MYO5B: variants seen among roughly 807,000 people sequenced by gnomAD.
MYO5B encodes the protein unconventional myosin-Vb.
Under a neutral mutation model 229.3 loss-of-function variants are expected in MYO5B, and 143 were observed. That is an observed-to-expected ratio of 0.62 (90% confidence interval 0.54 to 0.72). The LOEUF (loss-of-function observed/expected upper bound fraction) is 0.72, where lower values mean the gene tolerates loss of function less well. Among genes scored for constraint, MYO5B ranks in the 30% least tolerant of loss-of-function variants. MYO5B has a pLI of 0.00. For missense variants in MYO5B, 2,321 were observed against 2,331.0 expected (o/e 1.00, Z 0.09); for synonymous variants, 918 against 885.2 (o/e 1.04, Z -0.66).
rs1470748410 is a variant in MYO5B, at chr18:50,185,286, A to AC, written c.27+9480_27+9481insG. On this transcript the variant is annotated intron_variant, in intron 1 of 39. Coordinates refer to ENST00000285039, the MANE Select transcript of MYO5B (RefSeq NM_001080467.3). ...TGTAAAACATTTAGTATGAATAAGA[A>AC]TTTAAAAAAAAAAAAAGAGAGAGAG... Among the ~76,000 whole-genome samples, 232 of 150,568 alleles carry AC rather than the reference A, an allele frequency of 1.5e-3. 2 individuals are homozygous for AC. In the East Asian group the frequency reaches 0.025, roughly 16 times the overall value.
At position 50,039,157 on chromosome 18, in the gene MYO5B, G is replaced by A. The variant is rs188758507; in HGVS notation, c.310+986C>T. Among the ~76,000 whole-genome samples, 40 of 152,234 alleles carry A rather than the reference G, an allele frequency of 2.6e-4. 1 individual carries two copies. In the East Asian group the frequency reaches 4.2e-3, roughly 16 times the overall value. On this transcript the variant is annotated intron_variant, in intron 3 of 39. Transcript: ENST00000285039. ...TCCCGGGACAAGACCACAAAGGAGC[G>A]ACTCCCACAAAGGAGCCCAGCAGCC...
In MYO5B at chr18:49,990,369, G is replaced by A. The variant is rs551234037; in HGVS notation, c.838+70C>T. 247 of 1,317,710 alleles carry A rather than the reference G, an allele frequency of 1.9e-4. 1 individual carries two copies. The highest frequency in any genetic ancestry group is 1.8e-3 in the South Asian group (155 of 84,704). 81.6% of individuals were successfully genotyped at this position (1,317,710 alleles called of 1,614,324 possible). A position where few individuals can be genotyped will look rare whatever the true frequency, so the allele number is the denominator to read the frequency against. The stretch of plus-strand genomic sequence containing the variant: ...AACCCATGACGGAGGGCTTTGAGCA[G>A]AGCCCCCAGCTGTGCACCCGCTGGA... On this transcript the variant is annotated intron_variant, in intron 7 of 39. Transcript: ENST00000285039.
chr18:49,885,439 A>G (rs935458049), intron 22 of MYO5B, among the ~76,000 whole-genome samples: 1 of 152,098 alleles, frequency 6.6e-6, no homozygotes, highest in Non-Finnish European at 1.5e-5. Flanking sequence ...CTGCACCCCC[A>G]TCAGACAGGC....
intron 4 of MYO5B, among the ~76,000 whole-genome samples, chr18:50,026,996 C>T (rs968966503): frequency 6.6e-6 from 1 of 152,156 alleles, no homozygotes; most frequent in Non-Finnish European, 1.5e-5. Flanking sequence ...CAGCATGTTC[C>T]TTTGCTGCAA....
chr18:50,099,563 G>A (rs1291560265), intron 1 of MYO5B, among the ~76,000 whole-genome samples: 1 of 152,100 alleles, frequency 6.6e-6, no homozygotes, highest in Non-Finnish European at 1.5e-5. Flanking sequence ...TGATTCTTGG[G>A]GTTCTACTAC....
chr18:50,149,360 A>G (rs2032557273), intron 1 of MYO5B, among the ~76,000 whole-genome samples: 3 of 151,842 alleles, frequency 2.0e-5, no homozygotes, highest in Middle Eastern at 3.4e-3. Context: ...GAACCAAAAA[A>G]GAGCCCACAT....
intron 1 of MYO5B, among the ~76,000 whole-genome samples, chr18:50,152,582 C>T (rs145717550): frequency 2.0e-5 from 3 of 152,310 alleles, no homozygotes; most frequent in Non-Finnish European, 2.9e-5. Flanking sequence ...AGACAACCCA[C>T]AGGTCTTGAC....
chr18:50,039,669 G>A (rs11082800), intron 3 of MYO5B, among the ~76,000 whole-genome samples: 23,766 of 152,176 alleles, frequency 0.16, 1,932 homozygotes, highest in East Asian at 0.22. Context: ...ATAATTTCAT[G>A]ACTTTTAAAA....
At chr18:49,875,283 C>A (rs986318034) in intron 26 of MYO5B, among the ~76,000 whole-genome samples, 18 of 152,174 alleles carry the variant, frequency 1.2e-4, no homozygotes, top group Admixed American at 9.2e-4. Flanking sequence ...CTGCCTCTGA[C>A]CCAAAAAGGC....
chr18:49,852,281 T>C (rs562780332), intron 31 of MYO5B, among the ~76,000 whole-genome samples: 13 of 152,336 alleles, frequency 8.5e-5, no homozygotes, highest in African/African-American at 1.4e-4. Context: ...CCAGGGAACA[T>C]AGGCCACCAA....
intron 17 of MYO5B, among the ~76,000 whole-genome samples, chr18:49,925,630 G>T (rs183027563): frequency 3.9e-5 from 6 of 152,330 alleles, no homozygotes; most frequent in Non-Finnish European, 8.8e-5. Flanking sequence ...AATGTTTTCT[G>T]TAGGTATGTC....
intron 27 of MYO5B, among the ~76,000 whole-genome samples, chr18:49,866,962 C>T (rs1428133727): frequency 6.6e-6 from 1 of 152,118 alleles, no homozygotes; most frequent in East Asian, 1.9e-4. Flanking sequence ...GACAAGAGGC[C>T]TCCAGGTACA....
At chr18:49,832,875 G>T (rs1470771675) in intron 39 of MYO5B, among the ~76,000 whole-genome samples, 2 of 152,182 alleles carry the variant, frequency 1.3e-5, no homozygotes, top group Non-Finnish European at 2.9e-5. Flanking sequence ...CTCTGGTGTG[G>T]CCTGGCAGAA....
At chr18:50,024,956 G>A (rs1002400825) in intron 4 of MYO5B, among the ~76,000 whole-genome samples, 2 of 152,110 alleles carry the variant, frequency 1.3e-5, no homozygotes, top group Non-Finnish European at 2.9e-5. Context: ...AAATTAATCA[G>A]GGAAGAAGGG....
intron 39 of MYO5B, among the ~76,000 whole-genome samples, chr18:49,834,792 C>T (rs1275925444): frequency 6.6e-6 from 1 of 152,102 alleles, no homozygotes; most frequent in Non-Finnish European, 1.5e-5. Flanking sequence ...GCGCCCACCA[C>T]CACGCCCGGC....
intron 14 of MYO5B, among the ~76,000 whole-genome samples, chr18:49,945,804 C>G (rs559938434): frequency 1.7e-4 from 26 of 151,996 alleles, no homozygotes; most frequent in African/African-American, 6.3e-4. Context: ...CTCCATGGAC[C>G]AGGGCCAGAG....
chr18:49,882,169 C>G (rs1314920258), intron 22 of MYO5B, among the ~76,000 whole-genome samples: 1 of 152,108 alleles, frequency 6.6e-6, no homozygotes, highest in East Asian at 1.9e-4. Flanking sequence ...AAAATTCAGG[C>G]TTCCAGACCT....
At chr18:50,115,545 G>GACACAC (rs1285841007) in intron 1 of MYO5B, among the ~76,000 whole-genome samples, 124 of 106,224 alleles carry the variant, frequency 1.2e-3, no homozygotes, top group East Asian at 5.0e-3. Context: ...CACACACAGA[G>GACACAC]AGACACACAC....
chr18:49,824,550 C>CA lies in MYO5B; in HGVS notation c.*1920dup, dbSNP rs2023818502. The CA allele has an allele frequency of 6.6e-6, 1 of 151,724 alleles. No homozygotes were observed. Among genetic ancestry groups the CA allele is most frequent in the Non-Finnish European group, 1.5e-5 (1 of 67,768 alleles). The allele number at this position is 151,724 out of a possible 1,614,324, so 9.4% of individuals were successfully genotyped here. A position where few individuals can be genotyped will look rare whatever the true frequency, so the allele number is the denominator to read the frequency against. ...CTGTGTTTGTGGAACCACTGCATGT[C>CA]AAAACTCCTTAACACTCTAACAAGG... On this transcript the variant is annotated 3_prime_UTR_variant, in exon 40 of 40. Transcript: ENST00000285039.
Sources: gnomAD v4.1 joint callset for allele counts (sites outside exome capture counted in the v4.1 genomes callset) on GRCh38, gnomAD v4.1.1 for gene constraint, MANE v1.5 for transcripts, NCBI Gene and HGNC (gene_info 2026-07-23, HGNC 2026-07-21) for gene names.